The following CDKL5 variants were observed in gnomAD, a reference collection of about 807,000 sequenced individuals.
CDKL5 encodes cyclin dependent kinase like 5.
Under a neutral mutation model 61.7 loss-of-function variants are expected in CDKL5, and 8 were observed. The observed-to-expected ratio is 0.13, with a 90% CI of 0.08 to 0.23. The LOEUF is 0.23. Ranked by LOEUF, CDKL5 falls within the 10% of genes least tolerant of loss-of-function variation. CDKL5 has a pLI of 1.00. For missense variants in CDKL5, 440 were observed against 734.5 expected (o/e 0.60, Z 4.63); for synonymous variants, 275 against 272.3 (o/e 1.01, Z -0.10).
chrX:18,441,717 A>T (rs1931749675), intron 1 of CDKL5, among the ~76,000 whole-genome samples: 1 of 111,714 alleles, frequency 9.0e-6, no homozygotes, highest in African/African-American at 3.3e-5. Flanking sequence ...TTGGTTTACC[A>T]GAACAGTGTC....
At chrX:18,646,532 A>G (rs1927780308) in intron 20 of CDKL5, among the ~76,000 whole-genome samples, 1 of 112,563 alleles carries the variant, frequency 8.9e-6, no homozygotes, top group Non-Finnish European at 1.9e-5. Context: ...TTGTTACAAC[A>G]GCATGAACAT....
At chrX:18,477,860 A>G (rs1921377937) in intron 1 of CDKL5, among the ~76,000 whole-genome samples, 1 of 112,238 alleles carries the variant, frequency 8.9e-6, no homozygotes, top group Admixed American at 9.5e-5. Flanking sequence ...GAGGAAGTAT[A>G]TATTTGTAGT....
rs1238892163 is a variant in CDKL5, at chrX:18,635,191, G to C, written c.*6434G>C. ...TCTATAACTCTTTGTATCATGTGTT[G>C]GTACATCTTATCAAGTTTTTTCTGG... is the stretch of plus-strand genomic sequence containing the variant. On this transcript the variant is annotated 3_prime_UTR_variant, in exon 18 of 18. Coordinates refer to ENST00000623535, the MANE Select transcript of CDKL5 (RefSeq NM_001323289.2). The C allele has an allele frequency of 1.3e-6, 1 of 742,457 alleles. No individual in the cohort carries two copies. Among genetic ancestry groups the C allele is most frequent in the East Asian group, 1.5e-4 (1 of 6,529 alleles). 61.2% of individuals were successfully genotyped at this position (742,457 alleles called of 1,213,427 possible). A position where few individuals can be genotyped will look rare whatever the true frequency, so the allele number is the denominator to read the frequency against.
chrX:18,469,446 C>G (rs1602209108), intron 1 of CDKL5, among the ~76,000 whole-genome samples: 1 of 103,706 alleles, frequency 9.6e-6, no homozygotes, highest in African/African-American at 3.5e-5. Context: ...TTCGGGAGTT[C>G]GAGACCAGCC....
chrX:18,633,873 C>G lies in CDKL5; in HGVS notation c.*5116C>G, dbSNP rs1007449210. 1.3e-6 allele frequency: 1 copy of G among 751,501 alleles called. No homozygotes were observed. The highest frequency in any genetic ancestry group is 2.3e-5 in the African/African-American group (1 of 42,983). 61.9% of individuals were successfully genotyped at this position (751,501 alleles called of 1,213,427 possible). ...CTGACCCCACCTTTCCGTGTATTTA[C>G]TGTAGGCTATTAAATATGATCATGA... On this transcript the variant is annotated 3_prime_UTR_variant, in exon 18 of 18. Transcript: ENST00000623535.
chrX:18,557,590 C>A (rs1226458424), intron 3 of CDKL5, among the ~76,000 whole-genome samples: 1 of 111,939 alleles, frequency 8.9e-6, no homozygotes, highest in Non-Finnish European at 1.9e-5. Flanking sequence ...TTTAACTTAG[C>A]AAAACATTTG....
intron 3 of CDKL5, among the ~76,000 whole-genome samples, chrX:18,537,525 C>A (rs767741926): frequency 8.9e-6 from 1 of 111,938 alleles, no homozygotes; most frequent in Non-Finnish European, 1.9e-5. Flanking sequence ...TTTATCTGCA[C>A]TCCTGTGTGT....
intron 1 of CDKL5, among the ~76,000 whole-genome samples, chrX:18,501,133 A>T (rs1922366664): frequency 9.0e-6 from 1 of 110,836 alleles, no homozygotes; most frequent in South Asian, 3.8e-4. Flanking sequence ...GAGCCACTGT[A>T]GCCGGCCCCA....
intron 1 of CDKL5, among the ~76,000 whole-genome samples, chrX:18,474,122 T>A (rs2094097690): frequency 9.0e-6 from 1 of 110,847 alleles, no homozygotes; most frequent in Non-Finnish European, 1.9e-5. Context: ...ACCCGCACCA[T>A]CCCAAAGTGC....
intron 3 of CDKL5, among the ~76,000 whole-genome samples, chrX:18,542,180 C>A (rs1020824719): frequency 9.0e-6 from 1 of 111,518 alleles, no homozygotes; most frequent in Non-Finnish European, 1.9e-5. Flanking sequence ...TCCATTGACA[C>A]CCACTGAGAG....
At chrX:18,609,015 G>T (rs1206554401) in intron 13 of CDKL5, 103 bp downstream of exon 13, 1 of 581,142 alleles carries the variant, frequency 1.7e-6, no homozygotes, top group African/African-American at 2.2e-5. Context: ...AGTTGAAGTG[G>T]CTTATAAAGT....
chrX:18,487,655 C>T (rs1468641442), intron 1 of CDKL5, among the ~76,000 whole-genome samples: 2 of 112,923 alleles, frequency 1.8e-5, no homozygotes, highest in African/African-American at 6.4e-5. Flanking sequence ...GTGGCTCATT[C>T]CTGTAATCCC....
chrX:18,650,357 G>C (rs1927975404), intron 20 of CDKL5: 1 of 1,144,510 alleles, frequency 8.7e-7, no homozygotes, highest in Admixed American at 2.2e-5. Flanking sequence ...GGGAGCCGAT[G>C]CCTGCCTCCC....
rs1280803482 is a variant in CDKL5, at chrX:18,536,252, C to T, written c.99+25398C>T. Reference sequence around the variant, plus strand: ...CCCAGTGGAGGTGGTACTCAAAAACCTCAGTCGTGAGACTTAGCAGACACA... The same window carrying T: ...CCCAGTGGAGGTGGTACTCAAAAACTTCAGTCGTGAGACTTAGCAGACACA... On this transcript the variant is annotated intron_variant, in intron 3 of 17. Transcript: ENST00000623535. The T allele has an allele frequency of 4.5e-5, 5 of 110,107 alleles. No individual in the cohort carries two copies. In the East Asian group the frequency reaches 8.6e-4, roughly 19 times the overall value. 9.1% of individuals were successfully genotyped at this position (110,107 alleles called of 1,213,427 possible).
intron 8 of CDKL5, among the ~76,000 whole-genome samples, chrX:18,585,366 A>G (rs1925609198): frequency 9.0e-6 from 1 of 110,897 alleles, no homozygotes; most frequent in Non-Finnish European, 1.9e-5. Context: ...CTGCACTCCA[A>G]CCTGGGCGTC....
chrX:18,644,641 C>T (rs1005590954), downstream of CDKL5: 4 of 1,202,923 alleles, frequency 3.3e-6, no homozygotes, highest in East Asian at 3.0e-5. Flanking sequence ...GAGAACATAC[C>T]GAGTCACCGA....
At chrX:18,471,057 G>A (rs1335241887) in intron 1 of CDKL5, among the ~76,000 whole-genome samples, 1 of 112,086 alleles carries the variant, frequency 8.9e-6, no homozygotes. Flanking sequence ...TGCAGGAAAG[G>A]GAATTCTGGG....
At position 18,449,142 on chromosome X, in the gene CDKL5, A is replaced by T. The variant is rs746805635; in HGVS notation, c.-163+23447A>T. 1.8e-3 allele frequency among the ~76,000 whole-genome samples: 203 copies of T among 112,762 alleles called. 2 individuals carry two copies. Among genetic ancestry groups the T allele is most frequent in the African/African-American group, 5.9e-3 (183 of 31,114 alleles). On this transcript the variant is annotated intron_variant, in intron 1 of 17. Transcript: ENST00000623535. ...AGTGCTGGGATTACAGGCGTGAGCC[A>T]CTGCGCCCGGCCTGAGAGCCTGTTT...
At chrX:18,529,544 G>A (rs1923567868) in intron 3 of CDKL5, among the ~76,000 whole-genome samples, 1 of 110,857 alleles carries the variant, frequency 9.0e-6, no homozygotes, top group African/African-American at 3.3e-5. Flanking sequence ...CATTTTTAAA[G>A]GGCAGGTCTA....
Sources: allele counts gnomAD v4.1 joint callset (sites outside exome capture counted in the v4.1 genomes callset), GRCh38; gene constraint gnomAD v4.1.1; transcripts MANE v1.5; gene names NCBI Gene and HGNC (gene_info 2026-07-23, HGNC 2026-07-21).